CC2D1B: variants seen among roughly 807,000 people sequenced by gnomAD.
CC2D1B encodes the protein coiled-coil and C2 domain containing 1B, also known as coiled-coil and C2 domain-containing protein 1B.
Under a neutral mutation model 110.8 loss-of-function variants are expected in CC2D1B, and 92 were observed. The ratio of observed to expected loss-of-function variants is 0.83; its 90% CI spans 0.70 to 0.99. The LOEUF is 0.99. Ranked by LOEUF, CC2D1B falls within the 50% of genes least tolerant of loss-of-function variation. The pLI is 0.00. For synonymous variants in CC2D1B, 406 were observed against 429.2 expected, an observed-to-expected ratio of 0.95 and a Z score of 0.67; for missense variants, 1,136 against 1,089.0, an observed-to-expected ratio of 1.04 and a Z score of -0.61.
At chr1:52,353,789 T>G in intron 23 of CC2D1B, 142 bp from the exon 24 acceptor site, 1 of 600,316 alleles carries the variant, frequency 1.7e-6, no homozygotes, top group Non-Finnish European at 2.9e-6. Flanking sequence ...ATGAAAACCC[T>G]ACCCTCCCAG....
intron 2 of CC2D1B, among the ~76,000 whole-genome samples, chr1:52,364,158 G>A (rs1382940841): frequency 6.6e-6 from 1 of 152,180 alleles, no homozygotes; most frequent in African/African-American, 2.4e-5. Flanking sequence ...AGGCCCAGAA[G>A]AAATAAAGGA....
chr1:52,361,514 A>T lies in CC2D1B; in HGVS notation c.317T>A (p.Leu106Gln), dbSNP rs147789092. 6.8e-6 allele frequency: 11 copies of T among 1,613,748 alleles called. No homozygotes were observed. The highest frequency in any genetic ancestry group is 2.7e-5 in the African/African-American group (2 of 74,880). The change falls in exon 4 of 25, where the codon CTG becomes CAG. Residue 106 changes from leucine (L) to glutamine (Q), a missense_variant and splice_region_variant. Coordinates refer to ENST00000284376, the MANE Select transcript of CC2D1B (RefSeq NM_001330585.2). ...EEGLEEDAEL[L>Q]TELQEVLGVD... ...GGGATACCAGCCTGGCAGACACACCAGCAGCTCTGCATCTTCCTCCAGCCC... is the reference window on the plus strand; with the variant it reads ...GGGATACCAGCCTGGCAGACACACCTGCAGCTCTGCATCTTCCTCCAGCCC...
rs564035031 is a variant in CC2D1B at position 52,356,829 on chromosome 1, A to G, written c.1878+172T>C. ...GAAAGGGGTATTATCACCCCATCTC[A>G]TAGATGAGGAAAATGTAGTTCAGAG... is the stretch of plus-strand genomic sequence containing the variant. On this transcript the variant is annotated intron_variant, in intron 16 of 24. Coordinates refer to ENST00000284376, the MANE Select transcript of CC2D1B (RefSeq NM_001330585.2). The G allele has an allele frequency of 1.8e-5, 13 of 718,224 alleles. No individual in the cohort carries two copies. In the East Asian group the frequency reaches 3.0e-4, roughly 17 times the overall value. 44.5% of individuals were successfully genotyped at this position (718,224 alleles called of 1,614,324 possible).
At position 52,354,860 on chromosome 1, in the gene CC2D1B, C is replaced by G. The variant is rs150459647; in HGVS notation, c.2319G>C (p.Lys773Asn). The G allele has an allele frequency of 1.9e-5, 30 of 1,614,192 alleles. No homozygotes were observed. In the East Asian group the frequency reaches 6.2e-4, roughly 34 times the overall value. ...CTCACCCTTTGTGGAAGATCTCAAA[C>G]TTGATGCCTTTGCTCTGGATCACCC... ...FKRVIQSKGI[K>N]FEIFHKGSFF... The change falls in exon 22 of 25, where the codon AAG (lysine) becomes AAC (asparagine). Residue 773 changes from lysine to asparagine, a missense_variant. By Grantham distance (94) the Lys-to-Asn change is moderately conservative. Transcript: ENST00000284376.
In CC2D1B at chr1:52,359,765, G is replaced by A. The variant is rs779190973; in HGVS notation, c.882C>T (p.Ala294=). 139 of 1,610,998 alleles carry A rather than the reference G, an allele frequency of 8.6e-5. No individual in the cohort carries two copies. In the East Asian group the frequency reaches 2.3e-3, roughly 26 times the overall value. ...SSRQREYKVA[A]LSAKRAGELD... ...GCTCTCCAGCCCGCTTGGCACTGAGGGCAGCCACTTTGTACTCTCTCTGTC... is the reference window on the plus strand; with the variant it reads ...GCTCTCCAGCCCGCTTGGCACTGAGAGCAGCCACTTTGTACTCTCTCTGTC... The change falls in exon 8 of 25, where the codon GCC becomes GCT. Residue 294 remains alanine (A), a synonymous_variant. Coordinates refer to ENST00000284376, the MANE Select transcript of CC2D1B (RefSeq NM_001330585.2).
intron 15 of CC2D1B, 55 bp downstream of exon 15, chr1:52,357,471 T>G: frequency 6.6e-7 from 1 of 1,521,666 alleles, no homozygotes; most frequent in Non-Finnish European, 8.9e-7. Flanking sequence ...CTGTCAAGCC[T>G]GCCAGCCGCC....
chr1:52,353,838 T>C (rs1445435660), intron 23 of CC2D1B, 191 bp from the exon 24 acceptor site: 12 of 528,838 alleles, frequency 2.3e-5, no homozygotes, highest in East Asian at 9.4e-5. Context: ...TAGGTGAGTC[T>C]TATTAAAAAA....
intron 3 of CC2D1B, 65 bp from the exon 4 acceptor site, chr1:52,361,681 G>A (rs1035217490): frequency 2.1e-5 from 33 of 1,588,634 alleles, no homozygotes; most frequent in Middle Eastern, 1.7e-4. Context: ...GTAAAGGAGG[G>A]GCTTGGTAGA....
At position 52,359,238 on chromosome 1, in the gene CC2D1B, A is replaced by G; in HGVS notation, c.1126+12T>C. ...CAGGTCCCCACGCCACAGTCCCACC[A>G]TCCTGCCCTACCTGGGGTTGCTGGG... On this transcript the variant is annotated intron_variant, in intron 10 of 24. Transcript: ENST00000284376. 1 of 1,611,836 alleles carries G rather than the reference A, an allele frequency of 6.2e-7. No individual in the cohort carries two copies. The highest frequency in any genetic ancestry group is 8.5e-7 in the Non-Finnish European group (1 of 1,178,574).
intron 2 of CC2D1B, 79 bp downstream of exon 2, chr1:52,364,473 T>C: frequency 6.9e-6 from 6 of 867,624 alleles, no homozygotes; most frequent in Non-Finnish European, 1.1e-5. Flanking sequence ...GGGAACTACA[T>C]GTGATCCAGT....
At position 52,357,146 on chromosome 1, in the gene CC2D1B, C is replaced by T. The variant is rs1646671084; in HGVS notation, c.1753-20G>A. 6.2e-7 allele frequency: 1 copy of T among 1,613,390 alleles called. No individual in the cohort carries two copies. On this transcript the variant is annotated intron_variant, in intron 15 of 24. Transcript: ENST00000284376. ...AGGCACCTACCCAGGTCACAAGGCC[C>T]CTCGGGCCCCAAGAGTCAGATTACT...
At position 52,360,990 on chromosome 1, in the gene CC2D1B, G is replaced by A. The variant is rs1225802432; in HGVS notation, c.461C>T (p.Ser154Leu). ...AGAACCCACCTGAGCTGCTGGGGCT[G>A]AAGCTGTCAGGACGGCTGTCTGCAC... The part of the protein sequence containing the change: ...PPVQTAVLTA[S>L]APAAQAGASQ... The change falls in exon 5 of 25, where the codon TCA becomes TTA. Residue 154 changes from serine (S) to leucine (L), a missense_variant. Ser to Leu is a moderately radical substitution (Grantham distance 145). Coordinates refer to ENST00000284376, the MANE Select transcript of CC2D1B (RefSeq NM_001330585.2). The A allele has an allele frequency of 9.3e-6, 15 of 1,614,034 alleles. No homozygotes were observed. Among genetic ancestry groups the A allele is most frequent in the Non-Finnish European group, 1.1e-5 (13 of 1,180,032 alleles).
At position 52,359,087 on chromosome 1, in the gene CC2D1B, G is replaced by A. The variant is rs1435957371; in HGVS notation, c.1197C>T (p.Gly399=). ...CGTCCCCACCACTCCGGGCCTGGAT[G>A]CCCGCCTCGCGGTACTTGTTCAGCC... ...QQRLNKYREA[G]IQARSGGDER... The change falls in exon 11 of 25, where the codon GGC becomes GGT. Residue 399 remains glycine (G), a synonymous_variant. Coordinates refer to ENST00000284376, the MANE Select transcript of CC2D1B (RefSeq NM_001330585.2). The A allele has an allele frequency of 1.2e-6, 2 of 1,609,480 alleles. No homozygotes were observed. The highest frequency in any genetic ancestry group is 1.3e-5 in the African/African-American group (1 of 74,952).
chr1:52,354,464 G>A (rs775010394), intron 23 of CC2D1B, 144 bp downstream of exon 23: 12 of 789,126 alleles, frequency 1.5e-5, no homozygotes, highest in Middle Eastern at 2.2e-4. Context: ...TCTGTGAAAT[G>A]AGGATTCCAC....
chr1:52,365,346 C>T (rs1646858978), intron 1 of CC2D1B, among the ~76,000 whole-genome samples: 1 of 152,266 alleles, frequency 6.6e-6, no homozygotes, highest in Non-Finnish European at 1.5e-5. Context: ...TGAGGTGACC[C>T]CTTCTTCAGC....
At chr1:52,358,568 GGATGGCTCCACA>G in intron 12 of CC2D1B, 106 bp downstream of exon 12, 1 of 1,583,530 alleles carries the variant, frequency 6.3e-7, no homozygotes, top group South Asian at 1.1e-5. Context: ...TGGCTGGGAT[GGATGGCTCCACA>G]GAGGGGAGGC....
Position 52,357,550 on chromosome 1 carries a change from A to C in CC2D1B, c.1728T>G (p.Ser576=), listed in dbSNP as rs911634382. 1.3e-6 allele frequency: 2 copies of C among 1,581,080 alleles called. No homozygotes were observed. The highest frequency in any genetic ancestry group is 1.7e-6 in the Non-Finnish European group (2 of 1,162,124). Residue 576 remains serine (S), a synonymous_variant, in exon 15 of 25, where the codon TCT becomes TCG. Transcript: ENST00000284376. ...WLEAQIIQAR[S]GRPVDLSKVP... ...CCTTGGACAGATCAACAGGTCTGCC[A>C]GATCGGGCCTGGATGATCTGAGCCT...
At chr1:52,362,507 C>A (rs1461250977) in intron 3 of CC2D1B, 95 bp downstream of exon 3, 6 of 1,449,078 alleles carry the variant, frequency 4.1e-6, no homozygotes, top group Non-Finnish European at 5.7e-6. Context: ...ACCAGGGGAT[C>A]TGGCTGGCTC....
chr1:52,359,579 C>T, intron 8 of CC2D1B, 45 bp from the exon 9 acceptor site: 1 of 1,601,988 alleles, frequency 6.2e-7, no homozygotes, highest in Non-Finnish European at 8.5e-7. Context: ...ACAGGGGACC[C>T]CAAGAGCCTG....
Sources: allele counts gnomAD v4.1 joint callset (sites outside exome capture counted in the v4.1 genomes callset), GRCh38; gene constraint gnomAD v4.1.1; transcripts MANE v1.5; gene names NCBI Gene and HGNC (gene_info 2026-07-23, HGNC 2026-07-21).